The following SLC14A2 variants were observed in gnomAD, a reference collection of about 807,000 sequenced individuals.
SLC14A2 encodes the protein solute carrier family 14 member 2.
Under a neutral mutation model 104.6 loss-of-function variants are expected in SLC14A2, and 91 were observed. That is an observed-to-expected ratio of 0.87 (90% CI 0.73 to 1.04). The LOEUF is 1.04. SLC14A2 is among the 50% of genes least tolerant of loss of function. The probability of loss-of-function intolerance (pLI) is 0.00; values close to 1 mark genes in which losing one functional copy is unlikely to be tolerated. For synonymous variants in SLC14A2, 476 were observed against 466.4 expected, an observed-to-expected ratio of 1.02 and a Z score of -0.27; for missense variants, 1,189 against 1,156.0, an observed-to-expected ratio of 1.03 and a Z score of -0.41.
intron 1 of SLC14A2, among the ~76,000 whole-genome samples, chr18:45,278,975 T>C (rs1267775085): frequency 1.3e-5 from 2 of 152,110 alleles, no homozygotes; most frequent in Non-Finnish European, 2.9e-5. Context: ...TTTCTATCTA[T>C]CCATAGATAG....
At chr18:45,374,040 A>G (rs552572588) in intron 1 of SLC14A2, among the ~76,000 whole-genome samples, 1 of 152,326 alleles carries the variant, frequency 6.6e-6, no homozygotes, top group Non-Finnish European at 1.5e-5. Flanking sequence ...TCTGATCATG[A>G]CAACCTCAAG....
rs904757600 is a variant in SLC14A2, at chr18:45,388,353, C to T, written c.-124-94880C>T. ...CTGGGATTACAGGCATGAGCCACCG[C>T]GCCCGGCTGCTCATATCTTAAATAA... On this transcript the variant is annotated intron_variant, in intron 1 of 20. Transcript: ENST00000586448. Among the ~76,000 whole-genome samples, 3 of 151,992 alleles carry T rather than the reference C, an allele frequency of 2.0e-5. No individual in the cohort carries two copies. The East Asian group carries it at 5.8e-4, about 29-fold the overall frequency.
intron 1 of SLC14A2, among the ~76,000 whole-genome samples, chr18:45,214,091 T>A (rs556940826): frequency 6.6e-6 from 1 of 152,290 alleles, no homozygotes; most frequent in African/African-American, 2.4e-5. Context: ...CTAGATAGAT[T>A]TGGCCCAAAC....
chr18:45,432,479 G>A (rs949317942), intron 1 of SLC14A2, among the ~76,000 whole-genome samples: 11 of 152,134 alleles, frequency 7.2e-5, no homozygotes, highest in Admixed American at 5.9e-4. Context: ...GAAACCCAGG[G>A]AGTCCCCTGG....
Position 45,610,405 on chromosome 18 carries a change from T to C in SLC14A2, c.-34-14226T>C, listed in dbSNP as rs530588018. On this transcript the variant is annotated intron_variant, in intron 2 of 20. Transcript: ENST00000586448. The stretch of plus-strand genomic sequence containing the variant: ...CCTAGGGAGCTTTTAAAAATTCCAG[T>C]GCCCGGGTTACACCAATTAAGTCAG... Among the ~76,000 whole-genome samples the C allele has an allele frequency of 3.9e-5, 6 of 152,246 alleles. No homozygotes were observed. In the South Asian group the frequency reaches 1.2e-3, roughly 32 times the overall value.
At chr18:45,513,582 G>T (rs754468315) in intron 2 of SLC14A2, among the ~76,000 whole-genome samples, 2 of 152,170 alleles carry the variant, frequency 1.3e-5, no homozygotes, top group African/African-American at 4.8e-5. Flanking sequence ...ATAGAAGTTC[G>T]AATGTAGCCC....
At chr18:45,468,467 C>G (rs2087184774) in intron 1 of SLC14A2, among the ~76,000 whole-genome samples, 1 of 151,826 alleles carries the variant, frequency 6.6e-6, no homozygotes, top group Non-Finnish European at 1.5e-5. Flanking sequence ...CAAGCAGAAG[C>G]TAGGCAGTCT....
intron 1 of SLC14A2, among the ~76,000 whole-genome samples, chr18:45,271,353 G>A (rs1458980716): frequency 2.0e-5 from 3 of 152,130 alleles, no homozygotes; most frequent in African/African-American, 7.2e-5. Flanking sequence ...GGAGCTAAAA[G>A]ATCATGTTAG....
At chr18:45,579,960 G>T (rs2044465510) in intron 2 of SLC14A2, among the ~76,000 whole-genome samples, 1 of 152,236 alleles carries the variant, frequency 6.6e-6, no homozygotes, top group African/African-American at 2.4e-5. Flanking sequence ...GCATGGAGTT[G>T]TGAAAAGGAA....
Position 45,625,864 on chromosome 18 carries a change from G to A in SLC14A2, c.331+1G>A, listed in dbSNP as rs771223033. On this transcript the variant is annotated splice_donor_variant, in intron 3 of 19. Coordinates refer to ENST00000255226, the MANE Select transcript of SLC14A2 (RefSeq NM_007163.4). LOFTEE classifies it high-confidence loss of function. Reference sequence around the variant, plus strand: ...AAGGAGTACAGGATCTGGCTGAAAGGTAGGAAAATACCCTGGGGAGAGGCA... The same window carrying A: ...AAGGAGTACAGGATCTGGCTGAAAGATAGGAAAATACCCTGGGGAGAGGCA... 1 of 1,460,368 alleles carries A rather than the reference G, an allele frequency of 6.8e-7. No individual in the cohort carries two copies. The highest frequency in any genetic ancestry group is 9.0e-7 in the Non-Finnish European group (1 of 1,107,134). The allele number at this position is 1,460,368 out of a possible 1,614,324, so 90.5% of individuals were successfully genotyped here. A position where few individuals can be genotyped will look rare whatever the true frequency, so the allele number is the denominator to read the frequency against.
chr18:45,178,287 A>T, the SLC14A2 span, among the ~76,000 whole-genome samples: 1 of 152,232 alleles, frequency 6.6e-6, no homozygotes, highest in South Asian at 2.1e-4. Flanking sequence ...TGCATTCTTA[A>T]GCACTAGAAT....
intron 1 of SLC14A2, among the ~76,000 whole-genome samples, chr18:45,416,528 G>A (rs542595401): frequency 6.6e-5 from 10 of 152,212 alleles, no homozygotes; most frequent in East Asian, 1.9e-4. Context: ...CATTCAAGGC[G>A]CAGAGTGCAG....
chr18:45,575,789 CTTT>C (rs201958253), intron 2 of SLC14A2, among the ~76,000 whole-genome samples: 1 of 143,600 alleles, frequency 7.0e-6, no homozygotes. Context: ...TTGTCTTGTT[CTTT>C]TTTTTTTTTT....
At chr18:45,481,402 C>T (rs1273304938) in intron 1 of SLC14A2, among the ~76,000 whole-genome samples, 1 of 152,120 alleles carries the variant, frequency 6.6e-6, no homozygotes, top group African/African-American at 2.4e-5. Flanking sequence ...GAAAGTGCCG[C>T]AAATTACTGC....
At chr18:45,526,726 G>A (rs2043598226) in intron 2 of SLC14A2, among the ~76,000 whole-genome samples, 2 of 152,054 alleles carry the variant, frequency 1.3e-5, no homozygotes, top group African/African-American at 4.8e-5. Flanking sequence ...GTGGGGAAGA[G>A]GAAGGGGAAA....
intron 1 of SLC14A2, among the ~76,000 whole-genome samples, chr18:45,241,650 T>C (rs1447493579): frequency 6.7e-6 from 1 of 148,904 alleles, no homozygotes; most frequent in Non-Finnish European, 1.5e-5. Flanking sequence ...TTTTTTTTTT[T>C]TTTTTTTTTT....
At chr18:45,395,508 T>A (rs1568181340) in intron 1 of SLC14A2, among the ~76,000 whole-genome samples, 1 of 152,216 alleles carries the variant, frequency 6.6e-6, no homozygotes, top group Non-Finnish European at 1.5e-5. Flanking sequence ...AAAACTGTTC[T>A]GTACACAGAC....
At chr18:45,523,391 G>A (rs1384714385) in intron 2 of SLC14A2, among the ~76,000 whole-genome samples, 2 of 151,340 alleles carry the variant, frequency 1.3e-5, no homozygotes, top group African/African-American at 2.4e-5. Flanking sequence ...GTGCAGTGGC[G>A]CAATCTCGGC....
upstream of SLC14A2, among the ~76,000 whole-genome samples, chr18:45,613,074 G>A (rs758630016): frequency 7.2e-5 from 11 of 151,970 alleles, no homozygotes; most frequent in African/African-American, 1.7e-4. Flanking sequence ...TCACTCTGTC[G>A]CCCAGGCTGG....
Sources: allele counts gnomAD v4.1 joint callset (sites outside exome capture counted in the v4.1 genomes callset), GRCh38; gene constraint gnomAD v4.1.1; transcripts MANE v1.5; gene names NCBI Gene and HGNC (gene_info 2026-07-23, HGNC 2026-07-21).